MCF2L: variants seen among roughly 807,000 people sequenced by gnomAD.
MCF2L encodes the protein guanine nucleotide exchange factor DBS.
A neutral mutation model predicts 153.4 loss-of-function variants in MCF2L; 97 were observed. That is an observed-to-expected ratio of 0.63 (90% confidence interval 0.54 to 0.75). The LOEUF is 0.75. Ranked by LOEUF, MCF2L falls within the 30% of genes least tolerant of loss-of-function variation. MCF2L has a pLI of 0.00. For missense variants in MCF2L, 1,347 were observed against 1,495.2 expected (o/e 0.90, Z 1.64); for synonymous variants, 659 against 632.2 (o/e 1.04, Z -0.64).
In MCF2L at chr13:113,035,223, T is replaced by G. The variant is rs2086080572; in HGVS notation, c.279-10048T>G. Among the ~76,000 whole-genome samples the G allele has an allele frequency of 6.6e-6, 1 of 152,252 alleles. No individual in the cohort carries two copies. The highest frequency in any genetic ancestry group is 1.5e-5 in the Non-Finnish European group (1 of 68,046). On this transcript the variant is annotated intron_variant, in intron 3 of 29. Transcript: ENST00000535094. The surrounding 1 kb of genome is among the most constrained non-coding windows in gnomAD (Gnocchi z 4.4). Reference sequence around the variant, plus strand: ...CTCTGGGTGACTCTGACGCTCTCATTGCTTCACGTTTAATTTTTGTGTCCT... The same window carrying G: ...CTCTGGGTGACTCTGACGCTCTCATGGCTTCACGTTTAATTTTTGTGTCCT...
chr13:113,049,690 C>T (rs747092801), intron 4 of MCF2L, among the ~76,000 whole-genome samples: 25 of 152,228 alleles, frequency 1.6e-4, no homozygotes, highest in Non-Finnish European at 2.6e-4. Context: ...GTGCCCAGCT[C>T]ATGGTGCTGC....
intron 18 of MCF2L, 25 bp from the exon 19 acceptor site, chr13:113,084,867 A>C: frequency 6.3e-7 from 1 of 1,578,142 alleles, no homozygotes; most frequent in Non-Finnish European, 8.7e-7. Context: ...TCACTGCGTG[A>C]TGCGGTGCCT....
chr13:112,939,965 T>C (rs2081558496), intron 2 of MCF2L, among the ~76,000 whole-genome samples: 1 of 141,868 alleles, frequency 7.0e-6, no homozygotes, highest in Non-Finnish European at 1.5e-5. Context: ...TGAGACTCCA[T>C]CTCAAAAAAA....
intron 4 of MCF2L, among the ~76,000 whole-genome samples, chr13:113,059,239 G>A (rs2030947184): frequency 6.6e-6 from 1 of 152,202 alleles, no homozygotes; most frequent in Admixed American, 6.5e-5. Context: ...CGTGGCTGGA[G>A]GGCCCAGACT....
chr13:113,025,442 C>T (rs111415711), intron 3 of MCF2L, among the ~76,000 whole-genome samples: 1 of 33,926 alleles, frequency 2.9e-5, no homozygotes, highest in South Asian at 2.1e-3. Flanking sequence ...GACTGTGGGT[C>T]GGGGCAGAGT....
chr13:113,001,470 C>G (rs920666887), intron 1 of MCF2L: 1 of 162,190 alleles, frequency 6.2e-6, no homozygotes, highest in African/African-American at 2.4e-5. Context: ...GGACCTCGGC[C>G]TAGGTCCCCA....
intron 15 of MCF2L, among the ~76,000 whole-genome samples, chr13:113,079,250 T>C (rs1003020757): frequency 3.3e-5 from 5 of 152,210 alleles, no homozygotes; most frequent in African/African-American, 1.2e-4. Flanking sequence ...AGCAGTTCTC[T>C]TTCCTCCTTC....
intron 26 of MCF2L, 71 bp downstream of exon 26, chr13:113,089,799 T>G (rs988213469): frequency 6.2e-7 from 1 of 1,601,534 alleles, no homozygotes; most frequent in Non-Finnish European, 8.5e-7. Flanking sequence ...GCTCACTGCA[T>G]CCGAGAAACC....
chr13:112,995,557 C>T (rs1476420525), intron 1 of MCF2L, among the ~76,000 whole-genome samples: 9 of 152,110 alleles, frequency 5.9e-5, no homozygotes, highest in African/African-American at 2.2e-4. Flanking sequence ...GAGGTGGGGT[C>T]GGTGGTGGGG....
At chr13:113,088,451 G>T in intron 24 of MCF2L, 46 bp downstream of exon 24, 1 of 1,611,102 alleles carries the variant, frequency 6.2e-7, no homozygotes, top group Non-Finnish European at 8.5e-7. Context: ...TCCGCTCCAG[G>T]TGCATTTTTA....
At chr13:112,963,407 C>T (rs1173304896) in intron 2 of MCF2L, among the ~76,000 whole-genome samples, 2 of 152,182 alleles carry the variant, frequency 1.3e-5, no homozygotes, top group African/African-American at 4.8e-5. Context: ...CTCCTCAGAG[C>T]GCTCTCTTTG....
intron 1 of MCF2L, among the ~76,000 whole-genome samples, chr13:112,894,613 C>T (rs2081047856): frequency 6.6e-6 from 1 of 152,124 alleles, no homozygotes; most frequent in Admixed American, 6.5e-5. Flanking sequence ...GGGATCGGCC[C>T]CCGCGGCCCC....
Position 112,960,221 on chromosome 13 carries a change from G to T in MCF2L, c.170-54542G>T, listed in dbSNP as rs1360722343. Among the ~76,000 whole-genome samples, 2 of 152,222 alleles carry T rather than the reference G, an allele frequency of 1.3e-5. No individual in the cohort carries two copies. Among genetic ancestry groups the T allele is most frequent in the East Asian group, 3.9e-4 (2 of 5,192 alleles). On this transcript the variant is annotated intron_variant, in intron 2 of 29. Coordinates refer to the MCF2L transcript ENST00000375608. The surrounding 1 kb of genome is among the most constrained non-coding windows in gnomAD (Gnocchi z 4.2). ...CCAAGATTGAGGGGCTGCATCTGGT[G>T]AGGGCCCCTGAGCTGCGTCTTTCCA...
intron 1 of MCF2L, chr13:113,009,598 A>T (rs1476356472): frequency 6.6e-6 from 1 of 151,960 alleles, no homozygotes. Flanking sequence ...TGACCCACAC[A>T]GTGTCAGGAG....
intron 25 of MCF2L, among the ~76,000 whole-genome samples, chr13:113,089,188 G>GA (rs1176371532): frequency 3.8e-4 from 5 of 13,018 alleles, no homozygotes; most frequent in Admixed American, 1.2e-3. Flanking sequence ...CCCGCCCCCC[G>GA]AAAAAAAAAG....
rs116702467 is a variant in MCF2L, at chr13:112,947,587, C to A, written c.169+45216C>A. On this transcript the variant is annotated intron_variant, in intron 2 of 29. Transcript: ENST00000375608. ...TAACGGGCCCCAAGTAAGTCCAAAA[C>A]TCAACAAGGCAAACAACATTAAATC... Among the ~76,000 whole-genome samples, 1,215 of 152,334 alleles carry A rather than the reference C, an allele frequency of 8.0e-3. 18 individuals carry two copies. The highest frequency in any genetic ancestry group is 0.028 in the African/African-American group (1,163 of 41,574).
At position 112,941,762 on chromosome 13, in the gene MCF2L, C is replaced by T. The variant is rs556428818; in HGVS notation, c.169+39391C>T. 5.9e-5 allele frequency among the ~76,000 whole-genome samples: 9 copies of T among 152,120 alleles called. No individual in the cohort carries two copies. The highest frequency in any genetic ancestry group is 1.2e-4 in the Non-Finnish European group (8 of 68,016). ...CTTAGATGTGATTATATATGAATAT[C>T]AATCATTAGTTTGTAGCAATTACTC... On this transcript the variant is annotated intron_variant, in intron 2 of 29. Coordinates refer to the MCF2L transcript ENST00000375608. The surrounding 1 kb of genome is among the most constrained non-coding windows in gnomAD (Gnocchi z 4.9).
chr13:113,073,046 T>C (rs79159049), intron 9 of MCF2L, among the ~76,000 whole-genome samples: 1 of 127,450 alleles, frequency 7.8e-6, no homozygotes, highest in Non-Finnish European at 1.7e-5. Flanking sequence ...TTTTTTTTTT[T>C]CCAATTTCCC....
intron 1 of MCF2L, chr13:112,985,619 T>C (rs980889892): frequency 8.7e-6 from 3 of 343,802 alleles, no homozygotes; most frequent in African/African-American, 2.1e-5. Context: ...CCTGTGGAAT[T>C]TGCAGTAGCT....
Sources: gnomAD v4.1 joint callset for allele counts (sites outside exome capture counted in the v4.1 genomes callset) on GRCh38, gnomAD v4.1.1 for gene constraint, Gnocchi (gnomAD v3.1) non-coding constraint, MANE v1.5 for transcripts, NCBI Gene and HGNC (gene_info 2026-07-23, HGNC 2026-07-21) for gene names.